The following ABHD12 variants were observed in gnomAD, a reference collection of about 807,000 sequenced individuals.
The protein encoded by ABHD12 is abhydrolase domain containing 12, lysophospholipase.
ABHD12 carries 43 observed loss-of-function variants against 58.3 expected under a neutral mutation model. The observed-to-expected ratio is 0.74, with a 90% CI of 0.58 to 0.95. The LOEUF is 0.95. Ranked by LOEUF, ABHD12 falls within the 40% of genes least tolerant of loss-of-function variation. The probability of loss-of-function intolerance (pLI) is 0.00; values close to 1 mark genes in which losing one functional copy is unlikely to be tolerated. For missense variants in ABHD12, 539 were observed against 537.2 expected (o/e 1.00, Z -0.03); for synonymous variants, 219 against 211.2 (o/e 1.04, Z -0.32).
chr20:25,305,748 AAAAG>A (rs1303443804), intron 10 of ABHD12, among the ~76,000 whole-genome samples: 1 of 152,200 alleles, frequency 6.6e-6, no homozygotes, highest in Non-Finnish European at 1.5e-5. Context: ...AAGGTTTAAA[AAAAG>A]AACCCTTAAC....
chr20:25,295,903 C>T (rs1291806041), downstream of ABHD12, among the ~76,000 whole-genome samples: 2 of 152,220 alleles, frequency 1.3e-5, no homozygotes, highest in Non-Finnish European at 2.9e-5. Flanking sequence ...GAATGTGCGG[C>T]CTGGAAACTG....
intron 1 of ABHD12, among the ~76,000 whole-genome samples, chr20:25,361,942 G>A (rs367834041): frequency 4.0e-5 from 6 of 148,294 alleles, no homozygotes; most frequent in South Asian, 2.2e-4. Context: ...GGGACAGAGC[G>A]ACACTCCGTC....
At chr20:25,344,975 C>A (rs566096593) in intron 1 of ABHD12, among the ~76,000 whole-genome samples, 41 of 151,388 alleles carry the variant, frequency 2.7e-4, no homozygotes, top group African/African-American at 9.2e-4. Context: ...ATACCCTTCA[C>A]AAAAATAAAA....
At chr20:25,359,001 A>G (rs1380138016) in intron 1 of ABHD12, among the ~76,000 whole-genome samples, 2 of 152,072 alleles carry the variant, frequency 1.3e-5, no homozygotes, top group Non-Finnish European at 2.9e-5. Flanking sequence ...TTACTGTTAA[A>G]TTAATCTGGA....
At chr20:25,305,789 A>C (rs916515385) in intron 10 of ABHD12, among the ~76,000 whole-genome samples, 1 of 152,272 alleles carries the variant, frequency 6.6e-6, no homozygotes. Context: ...TGGTTTACCT[A>C]ATAGATTTTT....
At chr20:25,353,346 G>T (rs1401999227) in intron 1 of ABHD12, among the ~76,000 whole-genome samples, 2 of 151,508 alleles carry the variant, frequency 1.3e-5, no homozygotes, top group Non-Finnish European at 2.9e-5. Context: ...ATCTGTAAAT[G>T]AAAGTAAATA....
downstream of ABHD12, chr20:25,297,625 A>G (rs7018): frequency 0.43 from 65,424 of 152,254 alleles, 14,840 homozygotes; most frequent in East Asian, 0.92. Context: ...CCCCTCCCCA[A>G]GGCTGGCAAC....
chr20:25,327,323 C>T (rs952905514), intron 2 of ABHD12, among the ~76,000 whole-genome samples: 3 of 152,018 alleles, frequency 2.0e-5, no homozygotes, highest in Admixed American at 6.6e-5. Flanking sequence ...AAAAATTAGC[C>T]GGGCATGGTG....
rs1226158462 is a variant in ABHD12, at chr20:25,390,689, G to C, written c.15C>G (p.Thr5=). ...GCTCATGCTCCAAGGCGACGGGCTC[G>C]GTCCGCTTCCTCATCCCGCGGCCGA... MRKR[T]EPVALEHERC... Residue 5 remains threonine, a synonymous_variant, in exon 1 of 13, where the codon ACC becomes ACG. Transcript: ENST00000339157. The C allele has an allele frequency of 1.4e-6, 2 of 1,411,048 alleles. No individual in the cohort carries two copies. Among genetic ancestry groups the C allele is most frequent in the Non-Finnish European group, 1.8e-6 (2 of 1,082,144 alleles). The allele number at this position is 1,411,048 out of a possible 1,614,324, so 87.4% of individuals were successfully genotyped here. A position where few individuals can be genotyped will look rare whatever the true frequency, so the allele number is the denominator to read the frequency against.
intron 12 of ABHD12, chr20:25,295,095 G>T: frequency 6.7e-7 from 1 of 1,487,782 alleles, no homozygotes; most frequent in Non-Finnish European, 9.4e-7. Context: ...CTTCTGACTC[G>T]ATAGTGAACA....
intron 4 of ABHD12, 34 bp downstream of exon 4, chr20:25,320,165 T>C (rs1475720015): frequency 6.2e-7 from 1 of 1,612,584 alleles, no homozygotes; most frequent in Admixed American, 1.7e-5. Context: ...GGAGCCATGC[T>C]CCACAGCAAA....
intron 1 of ABHD12, among the ~76,000 whole-genome samples, chr20:25,386,263 CT>C (rs201723868): frequency 0.023 from 3,242 of 142,094 alleles, 95 homozygotes; most frequent in African/African-American, 0.075. Flanking sequence ...CTTTTTCTTT[CT>C]TTTTTTTTTT....
Position 25,320,187 on chromosome 20 carries a change from C to T in ABHD12, c.542+12G>A. 6.2e-7 allele frequency: 1 copy of T among 1,613,732 alleles called. No individual in the cohort carries two copies. Among genetic ancestry groups the T allele is most frequent in the East Asian group, 2.2e-5 (1 of 44,880 alleles). On this transcript the variant is annotated intron_variant, in intron 4 of 12. Coordinates refer to ENST00000339157, the MANE Select transcript of ABHD12 (RefSeq NM_001042472.3). ...TGCTCCACAGCAAAGATGATGGGCT[C>T]CTCTCCCTCACCTGGTACCTGCGTT...
chr20:25,387,655 G>A (rs374346783), intron 1 of ABHD12, among the ~76,000 whole-genome samples: 10 of 150,700 alleles, frequency 6.6e-5, no homozygotes, highest in Non-Finnish European at 1.5e-4. Flanking sequence ...TGGGAGGATC[G>A]CCTGAGCCCA....
intron 1 of ABHD12, among the ~76,000 whole-genome samples, chr20:25,347,383 G>A (rs1038768795): frequency 2.6e-5 from 4 of 151,676 alleles, no homozygotes; most frequent in Non-Finnish European, 5.9e-5. Flanking sequence ...GTGTGATTGG[G>A]GTATGCTTCT....
intron 1 of ABHD12, among the ~76,000 whole-genome samples, chr20:25,349,447 T>C (rs374217031): frequency 1.1e-4 from 17 of 152,200 alleles, no homozygotes; most frequent in African/African-American, 4.1e-4. Flanking sequence ...CCAATGTTCA[T>C]AGCAGCATTA....
chr20:25,300,608 C>A lies in ABHD12; in HGVS notation c.*237G>T. On this transcript the variant is annotated 3_prime_UTR_variant, in exon 13 of 13. Coordinates refer to ENST00000339157, the MANE Select transcript of ABHD12 (RefSeq NM_001042472.3). ...CCCAACAAGATCTCAGGTTGAGGGG[C>A]GGCAAGGAGAGCCACATGCCTGCCA... 5.6e-6 allele frequency: 8 copies of A among 1,441,372 alleles called. No individual in the cohort carries two copies. Among genetic ancestry groups the A allele is most frequent in the Non-Finnish European group, 7.3e-6 (8 of 1,103,140 alleles). The allele number at this position is 1,441,372 out of a possible 1,614,324, so 89.3% of individuals were successfully genotyped here.
chr20:25,299,925 G>A (rs79723059), downstream of ABHD12, among the ~76,000 whole-genome samples: 2,022 of 152,196 alleles, frequency 0.013, 24 homozygotes, highest in Middle Eastern at 0.031. Context: ...TCTGAGAACC[G>A]CTATAGGTAG....
chr20:25,366,983 T>G (rs957625201), intron 1 of ABHD12, among the ~76,000 whole-genome samples: 2 of 152,196 alleles, frequency 1.3e-5, no homozygotes, highest in Non-Finnish European at 2.9e-5. Flanking sequence ...AATATACCCT[T>G]GGTACGAGAT....
Sources: allele counts gnomAD v4.1 joint callset (sites outside exome capture counted in the v4.1 genomes callset), GRCh38; gene constraint gnomAD v4.1.1; transcripts MANE v1.5; gene names NCBI Gene and HGNC (gene_info 2026-07-23, HGNC 2026-07-21).